NALF1: variants seen among roughly 807,000 people sequenced by gnomAD.
NALF1 encodes family with sequence similarity 155 member A.
Under a neutral mutation model 48.4 loss-of-function variants are expected in NALF1, and 3 were observed. The ratio of observed to expected loss-of-function variants is 0.06; its 90% CI spans 0.03 to 0.16. NALF1 has a LOEUF of 0.16. Ranked by LOEUF, NALF1 falls within the 10% of genes least tolerant of loss-of-function variation. The pLI is 1.00. For missense variants in NALF1, 526 were observed against 571.5 expected, an observed-to-expected ratio of 0.92 and a Z score of 0.81; for synonymous variants, 262 against 245.7, an observed-to-expected ratio of 1.07 and a Z score of -0.62.
At chr13:107,394,569 T>C (rs1278983899) in intron 1 of NALF1, among the ~76,000 whole-genome samples, 1 of 152,190 alleles carries the variant, frequency 6.6e-6, no homozygotes, top group Non-Finnish European at 1.5e-5. Context: ...TGATACTGCA[T>C]AGTCCAATTT....
chr13:107,541,329 A>G (rs987128758), intron 1 of NALF1, among the ~76,000 whole-genome samples: 3 of 152,164 alleles, frequency 2.0e-5, no homozygotes, highest in Non-Finnish European at 2.9e-5. Context: ...GTTTAAGGAC[A>G]TTAATTCAGT....
intron 1 of NALF1, among the ~76,000 whole-genome samples, chr13:107,321,355 A>G (rs774869739): frequency 1.2e-4 from 18 of 152,068 alleles, no homozygotes; most frequent in Non-Finnish European, 2.1e-4. Flanking sequence ...CAAGAGATTG[A>G]TATTGAGTAT....
At chr13:107,522,656 T>TGG (rs1876284231) in intron 1 of NALF1, among the ~76,000 whole-genome samples, 1 of 152,092 alleles carries the variant, frequency 6.6e-6, no homozygotes, top group Non-Finnish European at 1.5e-5. Context: ...CAGACTGTAC[T>TGG]GCAGTGGTGT....
intron 1 of NALF1, among the ~76,000 whole-genome samples, chr13:107,282,634 C>T (rs577919230): frequency 1.3e-5 from 2 of 152,204 alleles, no homozygotes; most frequent in Non-Finnish European, 2.9e-5. Flanking sequence ...CACTCTACAG[C>T]AAGTATGTTG....
At chr13:107,322,840 A>G (rs1378211256) in intron 1 of NALF1, among the ~76,000 whole-genome samples, 1 of 152,092 alleles carries the variant, frequency 6.6e-6, no homozygotes, top group Admixed American at 6.6e-5. Flanking sequence ...ATGATCCCCA[A>G]TACGATGTCA....
At chr13:107,711,887 A>G (rs1172541267) in intron 1 of NALF1, among the ~76,000 whole-genome samples, 3 of 152,234 alleles carry the variant, frequency 2.0e-5, no homozygotes. Flanking sequence ...CATGCTTGAT[A>G]ACAACAGACT....
chr13:107,700,144 A>G, intron 1 of NALF1, among the ~76,000 whole-genome samples: 1 of 149,496 alleles, frequency 6.7e-6, no homozygotes, highest in South Asian at 2.2e-4. Context: ...ACAGAAATAG[A>G]AAAAAAAGCC....
At chr13:107,205,337 T>TCC (rs1404601656) in intron 2 of NALF1, among the ~76,000 whole-genome samples, 4 of 152,172 alleles carry the variant, frequency 2.6e-5, no homozygotes, top group Non-Finnish European at 5.9e-5. Context: ...GTGAAGTCAC[T>TCC]CACAAGTAAA....
intron 1 of NALF1, among the ~76,000 whole-genome samples, chr13:107,419,676 C>T (rs1303105190): frequency 6.6e-6 from 1 of 152,052 alleles, no homozygotes; most frequent in African/African-American, 2.4e-5. Context: ...TTTTATGTAG[C>T]CTTTCTAAAT....
intron 2 of NALF1, among the ~76,000 whole-genome samples, chr13:107,184,159 A>G (rs1443937445): frequency 7.1e-6 from 1 of 141,252 alleles, no homozygotes; most frequent in Non-Finnish European, 1.6e-5. Context: ...CTGCACATGT[A>G]CCCCAGAACT....
intron 1 of NALF1, among the ~76,000 whole-genome samples, chr13:107,763,171 A>C (rs1403066962): frequency 6.6e-6 from 1 of 152,106 alleles, no homozygotes; most frequent in African/African-American, 2.4e-5. Flanking sequence ...AGTAAACATA[A>C]TACACTAGAA....
At chr13:107,799,455 C>T (rs1307591987) in intron 1 of NALF1, among the ~76,000 whole-genome samples, 1 of 152,158 alleles carries the variant, frequency 6.6e-6, no homozygotes, top group Non-Finnish European at 1.5e-5. Flanking sequence ...TTTCTTGAAT[C>T]TTTCTTTTCC....
At chr13:107,776,614 T>C (rs1877737095) in intron 1 of NALF1, among the ~76,000 whole-genome samples, 1 of 152,212 alleles carries the variant, frequency 6.6e-6, no homozygotes, top group African/African-American at 2.4e-5. Context: ...ATACCTACTG[T>C]GTGCTAGAAA....
At chr13:107,419,612 T>C (rs1268560805) in intron 1 of NALF1, among the ~76,000 whole-genome samples, 1 of 152,168 alleles carries the variant, frequency 6.6e-6, no homozygotes, top group Non-Finnish European at 1.5e-5. Context: ...GCCCCTCCCC[T>C]CTGTAAAAAC....
intron 2 of NALF1, among the ~76,000 whole-genome samples, chr13:107,172,054 C>T (rs35865195): frequency 0.037 from 5,587 of 152,206 alleles, 129 homozygotes; most frequent in Non-Finnish European, 0.05. Context: ...TCAATGTTCC[C>T]GCAATCCTGA....
chr13:107,730,565 T>C (rs1876283112), intron 1 of NALF1, among the ~76,000 whole-genome samples: 2 of 152,254 alleles, frequency 1.3e-5, no homozygotes, highest in South Asian at 4.1e-4. Flanking sequence ...TGTTCCAAAC[T>C]AATACTTGCT....
intron 1 of NALF1, among the ~76,000 whole-genome samples, chr13:107,734,170 C>T (rs1876394804): frequency 6.6e-6 from 1 of 152,070 alleles, no homozygotes; most frequent in African/African-American, 2.4e-5. Flanking sequence ...CTTATGGGCA[C>T]ACCACTGTAT....
intron 1 of NALF1, among the ~76,000 whole-genome samples, chr13:107,855,764 TTAACC>T (rs1204250836): frequency 2.0e-5 from 3 of 152,232 alleles, no homozygotes; most frequent in Admixed American, 1.3e-4. Context: ...TCGCACACTC[TTAACC>T]TAAGTCTTAA....
intron 1 of NALF1, among the ~76,000 whole-genome samples, chr13:107,442,977 CAT>C (rs1884585093): frequency 1.3e-5 from 2 of 151,902 alleles, no homozygotes; most frequent in African/African-American, 2.4e-5. Context: ...CTATAAATAA[CAT>C]AAAATAGTGA....
Sources: gnomAD v4.1 joint callset for allele counts (sites outside exome capture counted in the v4.1 genomes callset) on GRCh38, gnomAD v4.1.1 for gene constraint, MANE v1.5 for transcripts, NCBI Gene and HGNC (gene_info 2026-07-23, HGNC 2026-07-21) for gene names.